NPFFR2: variants seen among roughly 807,000 people sequenced by gnomAD.
The protein encoded by NPFFR2 is G-protein coupled receptor 74.
NPFFR2 carries 15 observed loss-of-function variants against 13.1 expected under a neutral mutation model. The observed-to-expected ratio is 1.15, with a 90% CI of 0.77 to 1.76. The LOEUF is 1.76. Among genes scored for constraint, NPFFR2 ranks in the 40% most tolerant of loss-of-function variants. The pLI, the probability that NPFFR2 is intolerant of heterozygous loss-of-function variation, is 0.00. For synonymous variants in NPFFR2, 190 were observed against 175.7 expected, an observed-to-expected ratio of 1.08 and a Z score of -0.65; for missense variants, 572 against 503.5, an observed-to-expected ratio of 1.14 and a Z score of -1.30.
intron 1 of NPFFR2, among the ~76,000 whole-genome samples, chr4:72,062,113 G>A (rs1461027021): frequency 2.6e-5 from 4 of 151,750 alleles, no homozygotes; most frequent in Non-Finnish European, 4.4e-5. Context: ...CTTTCCACGG[G>A]AACCATAACT....
chr4:72,062,709 T>A (rs780028335), intron 1 of NPFFR2, among the ~76,000 whole-genome samples: 16 of 152,192 alleles, frequency 1.1e-4, no homozygotes, highest in Non-Finnish European at 4.4e-5. Context: ...TGTGATTCTT[T>A]CTTGCTCCTC....
At chr4:72,102,240 A>G (rs1032841037) in intron 1 of NPFFR2, among the ~76,000 whole-genome samples, 1 of 152,084 alleles carries the variant, frequency 6.6e-6, no homozygotes, top group Non-Finnish European at 1.5e-5. Flanking sequence ...GAAAAACTTA[A>G]ATGTCAGATT....
chr4:72,041,779 C>T (rs528532638), intron 1 of NPFFR2, among the ~76,000 whole-genome samples: 28 of 152,262 alleles, frequency 1.8e-4, no homozygotes, highest in African/African-American at 6.5e-4. Flanking sequence ...TGTTTGTTGA[C>T]TGCTCGTATG....
chr4:72,085,176 C>G (rs964709867), intron 1 of NPFFR2, among the ~76,000 whole-genome samples: 3 of 152,050 alleles, frequency 2.0e-5, no homozygotes, highest in African/African-American at 7.2e-5. Context: ...GTACTATTTT[C>G]CACATTCTTC....
chr4:72,107,505 C>A (rs549236642), intron 1 of NPFFR2, among the ~76,000 whole-genome samples: 1 of 151,692 alleles, frequency 6.6e-6, no homozygotes, highest in Non-Finnish European at 1.5e-5. Context: ...TCTTTCTTTC[C>A]TTTTCCCTTA....
At chr4:72,131,450 G>T (rs1722238512) in intron 2 of NPFFR2, among the ~76,000 whole-genome samples, 1 of 114,932 alleles carries the variant, frequency 8.7e-6, no homozygotes, top group Admixed American at 1.2e-4. Flanking sequence ...CTGTTGTGGG[G>T]TGGGGGGAGG....
chr4:72,053,675 G>A (rs1319071241), intron 1 of NPFFR2, among the ~76,000 whole-genome samples: 1 of 151,662 alleles, frequency 6.6e-6, no homozygotes, highest in Non-Finnish European at 1.5e-5. Flanking sequence ...TATTTATGAT[G>A]ACTTTCATAT....
chr4:72,118,442 A>G (rs1362264480), intron 1 of NPFFR2, among the ~76,000 whole-genome samples: 1 of 152,190 alleles, frequency 6.6e-6, no homozygotes, highest in African/African-American at 2.4e-5. Flanking sequence ...CTGAATCACA[A>G]AGGGATTAAA....
At chr4:72,069,998 A>G (rs1347095121) in intron 1 of NPFFR2, among the ~76,000 whole-genome samples, 1 of 152,168 alleles carries the variant, frequency 6.6e-6, no homozygotes, top group African/African-American at 2.4e-5. Context: ...GCATATGACT[A>G]AAACTAATAT....
intron 2 of NPFFR2, among the ~76,000 whole-genome samples, chr4:72,135,844 A>G (rs1445208026): frequency 2.0e-5 from 3 of 151,768 alleles, no homozygotes; most frequent in African/African-American, 2.4e-5. Flanking sequence ...ATATGGGTAC[A>G]TATGTGTATA....
At chr4:72,057,364 A>AAAT (rs1373069061) in intron 1 of NPFFR2, among the ~76,000 whole-genome samples, 1 of 151,970 alleles carries the variant, frequency 6.6e-6, no homozygotes, top group African/African-American at 2.4e-5. Context: ...CAGAAATCTG[A>AAAT]AATCAAGGGG....
At chr4:72,144,593 C>G (rs569716444) in intron 3 of NPFFR2, among the ~76,000 whole-genome samples, 1 of 152,076 alleles carries the variant, frequency 6.6e-6, no homozygotes, top group Non-Finnish European at 1.5e-5. Flanking sequence ...CAGTTACGTT[C>G]CAAAGCACCT....
At chr4:72,143,312 T>G (rs1275193114) in intron 3 of NPFFR2, among the ~76,000 whole-genome samples, 1 of 152,188 alleles carries the variant, frequency 6.6e-6, no homozygotes, top group Non-Finnish European at 1.5e-5. Flanking sequence ...GCCAGTGATA[T>G]TATTCAGTCC....
chr4:72,035,497 G>GCC, intron 1 of NPFFR2, among the ~76,000 whole-genome samples: 2 of 151,892 alleles, frequency 1.3e-5, no homozygotes, highest in East Asian at 3.9e-4. Context: ...CCATAGTTTA[G>GCC]CCCCCCCTAA....
At chr4:72,134,904 G>A (rs952478170) in intron 2 of NPFFR2, among the ~76,000 whole-genome samples, 6 of 151,556 alleles carry the variant, frequency 4.0e-5, no homozygotes, top group African/African-American at 1.5e-4. Flanking sequence ...CCCATTTTCT[G>A]GATGCCATGT....
intron 1 of NPFFR2, among the ~76,000 whole-genome samples, chr4:72,057,992 T>G (rs1719802568): frequency 6.6e-6 from 1 of 151,978 alleles, no homozygotes; most frequent in Non-Finnish European, 1.5e-5. Flanking sequence ...CTCAAAGTTA[T>G]GAAAGACAGG....
chr4:72,095,359 A>G (rs1721035061), intron 1 of NPFFR2, among the ~76,000 whole-genome samples: 1 of 152,116 alleles, frequency 6.6e-6, no homozygotes, highest in Admixed American at 6.6e-5. Flanking sequence ...GGGAGTATTA[A>G]CACCACGGAA....
chr4:72,106,330 A>G (rs116293059), intron 1 of NPFFR2, among the ~76,000 whole-genome samples: 2,708 of 152,094 alleles, frequency 0.018, 88 homozygotes, highest in African/African-American at 0.062. Context: ...CAAAAGATGC[A>G]TTAGTGTTAA....
intron 1 of NPFFR2, among the ~76,000 whole-genome samples, chr4:72,038,900 C>A (rs1186630227): frequency 1.4e-5 from 1 of 72,892 alleles, no homozygotes; most frequent in African/African-American, 3.6e-5. Context: ...TTTTAAATTT[C>A]CTTTCTTTTT....
Sources: gnomAD v4.1 joint callset for allele counts (sites outside exome capture counted in the v4.1 genomes callset) on GRCh38, gnomAD v4.1.1 for gene constraint, MANE v1.5 for transcripts, NCBI Gene and HGNC (gene_info 2026-07-23, HGNC 2026-07-21) for gene names.